Variants in PRKAG1 observed in about 807,000 individuals in gnomAD.
PRKAG1 encodes the protein protein kinase AMP-activated non-catalytic subunit gamma 1, also known as 5'-AMP-activated protein kinase subunit gamma-1.
In PRKAG1, 27 loss-of-function variants were observed where a neutral mutation model predicts 48.2. The observed-to-expected ratio is 0.56, with a 90% CI of 0.41 to 0.77. The LOEUF is 0.77. Among genes scored for constraint, PRKAG1 ranks in the 30% least tolerant of loss-of-function variants. The pLI is 0.00. For synonymous variants in PRKAG1, 130 were observed against 147.7 expected (o/e 0.88, Z 0.87); for missense variants, 287 against 398.3 (o/e 0.72, Z 2.38).
intron 2 of PRKAG1, among the ~76,000 whole-genome samples, chr12:49,011,718 A>C (rs1411069638): frequency 6.6e-6 from 1 of 151,342 alleles, no homozygotes; most frequent in Non-Finnish European, 1.5e-5. Context: ...GCCCACCATC[A>C]AGCCCAGCTA....
At chr12:49,003,515 C>CA (rs1491177367) in intron 10 of PRKAG1, 43 bp downstream of exon 10, 1 of 1,599,576 alleles carries the variant, frequency 6.3e-7, no homozygotes, top group Non-Finnish European at 8.6e-7. Context: ...AGTGCCCCCC[C>CA]CCCACCACTT....
At chr12:49,017,877 G>C (rs762306678) in intron 1 of PRKAG1, 2 of 152,204 alleles carry the variant, frequency 1.3e-5, no homozygotes, top group Non-Finnish European at 2.9e-5. Flanking sequence ...CAGTCCTTTC[G>C]TAACTACAGT....
chr12:49,003,783 G>A lies in PRKAG1; in HGVS notation c.677C>T (p.Ser226Leu). 2 of 1,613,600 alleles carry A rather than the reference G, an allele frequency of 1.2e-6. No homozygotes were observed. Among genetic ancestry groups the A allele is most frequent in the Non-Finnish European group, 1.7e-6 (2 of 1,179,758 alleles). ...ALGIFVQHRVSALPVVDEKGR... is the reference protein window; with the variant it reads ...ALGIFVQHRVLALPVVDEKGR... Reference sequence around the variant, plus strand: ...CTTCTCATCCACCACTGGCAGGGCTGAGACTCGATGCTGTACAAAAATCCC... The same window carrying A: ...CTTCTCATCCACCACTGGCAGGGCTAAGACTCGATGCTGTACAAAAATCCC... Residue 226 changes from serine (S) to leucine (L), a missense_variant, in exon 9 of 12, where the codon TCA becomes TTA. Coordinates refer to ENST00000548065, the MANE Select transcript of PRKAG1 (RefSeq NM_002733.5).
intron 2 of PRKAG1, among the ~76,000 whole-genome samples, chr12:49,012,427 G>T (rs1438901140): frequency 1.3e-5 from 2 of 150,748 alleles, no homozygotes; most frequent in Non-Finnish European, 2.9e-5. Context: ...GCCCAGGCTG[G>T]AGTGCAATGG....
chr12:49,010,452 C>G (rs1279408952), intron 2 of PRKAG1, among the ~76,000 whole-genome samples: 1 of 152,182 alleles, frequency 6.6e-6, no homozygotes, highest in Non-Finnish European at 1.5e-5. Flanking sequence ...GGGGAAAGGG[C>G]TGGAGGCTCA....
At chr12:49,008,183 T>A (rs1428161757) in intron 2 of PRKAG1, among the ~76,000 whole-genome samples, 1 of 152,190 alleles carries the variant, frequency 6.6e-6, no homozygotes, top group Non-Finnish European at 1.5e-5. Context: ...TTTGACTGAA[T>A]ATTTATTATT....
At chr12:49,010,154 T>TG (rs1161933030) in intron 2 of PRKAG1, among the ~76,000 whole-genome samples, 2 of 151,578 alleles carry the variant, frequency 1.3e-5, no homozygotes, top group African/African-American at 4.9e-5. Flanking sequence ...CAGAGTGGGG[T>TG]GGGGGGCAGT....
intron 7 of PRKAG1, 143 bp downstream of exon 7, chr12:49,004,821 G>GAC (rs1169865234): frequency 9.7e-5 from 62 of 639,428 alleles, no homozygotes; most frequent in Admixed American, 1.9e-4. Flanking sequence ...GACTGTGTGT[G>GAC]TGTGTGTGTG....
chr12:49,017,001 C>T (rs1942000524), intron 1 of PRKAG1, among the ~76,000 whole-genome samples: 1 of 152,168 alleles, frequency 6.6e-6, no homozygotes, highest in Admixed American at 6.5e-5. Context: ...ATTTCAGTGC[C>T]CTTGCTCACA....
chr12:49,011,253 A>G (rs933955594), intron 2 of PRKAG1, among the ~76,000 whole-genome samples: 5 of 152,196 alleles, frequency 3.3e-5, no homozygotes, highest in African/African-American at 1.2e-4. Context: ...TACATACACT[A>G]CATTGATAGT....
intron 2 of PRKAG1, among the ~76,000 whole-genome samples, chr12:49,009,142 GAGAC>G (rs1204109951): frequency 5.9e-5 from 8 of 135,370 alleles, no homozygotes; most frequent in African/African-American, 2.0e-4. Context: ...TTTTTTTAAA[GAGAC>G]AGGCTTTCAT....
chr12:49,006,359 G>A (rs1390848074), intron 2 of PRKAG1, among the ~76,000 whole-genome samples: 3 of 151,366 alleles, frequency 2.0e-5, no homozygotes, highest in Non-Finnish European at 2.9e-5. Context: ...GCAACACAGC[G>A]AACCCCTGTC....
intron 1 of PRKAG1, chr12:49,017,339 T>G: frequency 2.6e-6 from 1 of 382,314 alleles, no homozygotes; most frequent in East Asian, 7.4e-5. Context: ...TAGCTGGGAC[T>G]ACAGGCACAC....
intron 1 of PRKAG1, 69 bp downstream of exon 1, chr12:49,018,663 G>T (rs1013572788): frequency 6.2e-7 from 1 of 1,607,328 alleles, no homozygotes; most frequent in South Asian, 1.1e-5. Flanking sequence ...CGGCCCTCCC[G>T]GTCTCCTAAG....
chr12:49,004,424 T>G, intron 8 of PRKAG1, 83 bp downstream of exon 8: 5 of 1,540,656 alleles, frequency 3.2e-6, no homozygotes, highest in Non-Finnish European at 4.4e-6. Context: ...AGCAACACAG[T>G]GAGACCTCGT....
Position 49,004,419 on chromosome 12 carries a change from C to T in PRKAG1, c.537+88G>A. 3.3e-6 allele frequency: 5 copies of T among 1,528,580 alleles called. No homozygotes were observed. In the East Asian group the frequency reaches 1.1e-4, roughly 35 times the overall value. 94.7% of individuals were successfully genotyped at this position (1,528,580 alleles called of 1,614,324 possible). On this transcript the variant is annotated intron_variant, in intron 8 of 11. Transcript: ENST00000548065. The stretch of plus-strand genomic sequence containing the variant: ...AGGAGTTTGACACTAGCCTGAGCAA[C>T]ACAGTGAGACCTCGTCTCTCTTTTC...
chr12:49,018,674 G>A (rs1203319912), intron 1 of PRKAG1, 58 bp downstream of exon 1: 18 of 1,613,384 alleles, frequency 1.1e-5, no homozygotes, highest in East Asian at 2.2e-5. Context: ...GTCTCCTAAG[G>A]GTTGGGGGGG....
rs1332449522 is a variant in PRKAG1 at position 49,005,282 on chromosome 12, G to A, written c.309+24C>T. ...GATTTAGGGCAGGGAAAGTGATTTT[G>A]GTCATTGGGTTAAGGTTCCTTACCA... On this transcript the variant is annotated intron_variant, in intron 5 of 11. Transcript: ENST00000548065. This position sits in a 1 kb window ranked among gnomAD's most constrained non-coding sequence, Gnocchi z 4.1. The A allele has an allele frequency of 6.8e-6, 11 of 1,613,352 alleles. No homozygotes were observed. Among genetic ancestry groups the A allele is most frequent in the Non-Finnish European group, 9.3e-6 (11 of 1,179,494 alleles).
At chr12:49,004,916 T>C (rs548279537) in intron 7 of PRKAG1, 48 bp downstream of exon 7, 4 of 1,590,998 alleles carry the variant, frequency 2.5e-6, no homozygotes, top group African/African-American at 2.7e-5. Flanking sequence ...GCTAGGCTGA[T>C]GACAAAATCT....
Sources: allele counts gnomAD v4.1 joint callset (sites outside exome capture counted in the v4.1 genomes callset), GRCh38; gene constraint gnomAD v4.1.1; non-coding constraint Gnocchi (gnomAD v3.1); transcripts MANE v1.5; gene names NCBI Gene and HGNC (gene_info 2026-07-23, HGNC 2026-07-21).